EPM2A: variants seen among roughly 807,000 people sequenced by gnomAD.
EPM2A encodes the protein EPM2A glucan phosphatase, laforin, also known as laforin.
EPM2A carries 21 observed loss-of-function variants against 26.5 expected under a neutral mutation model. That is an observed-to-expected ratio of 0.79 (90% CI 0.56 to 1.14). EPM2A has a LOEUF of 1.14. EPM2A is among the 50% of genes most tolerant of loss of function. EPM2A has a pLI of 0.00. For synonymous variants in EPM2A, 217 were observed against 177.6 expected, an observed-to-expected ratio of 1.22 and a Z score of -1.76; for missense variants, 458 against 440.8, an observed-to-expected ratio of 1.04 and a Z score of -0.35.
intron 2 of EPM2A, among the ~76,000 whole-genome samples, chr6:145,665,455 C>T (rs1410016363): frequency 3.6e-5 from 4 of 110,710 alleles, no homozygotes; most frequent in Non-Finnish European, 5.4e-5. Context: ...TCTCCCAAGA[C>T]TAAACCAGGA....
At chr6:145,648,499 G>A (rs1777648570) in intron 2 of EPM2A, among the ~76,000 whole-genome samples, 1 of 152,104 alleles carries the variant, frequency 6.6e-6, no homozygotes. Flanking sequence ...TCCATTTCAT[G>A]CCACGTAGTA....
At chr6:145,585,622 A>C (rs1247605699) in intron 2 of EPM2A, among the ~76,000 whole-genome samples, 1 of 152,040 alleles carries the variant, frequency 6.6e-6, no homozygotes, top group Admixed American at 6.6e-5. Flanking sequence ...AACATTATGA[A>C]GTCTTATTTA....
chr6:145,403,735 C>T (rs769565105), intron 4 of EPM2A, among the ~76,000 whole-genome samples: 15 of 152,094 alleles, frequency 9.9e-5, no homozygotes, highest in Admixed American at 3.3e-4. Context: ...AGGAGTGCAG[C>T]TAGCTCTTTA....
intron 1 of EPM2A, among the ~76,000 whole-genome samples, chr6:145,706,152 T>C (rs578023535): frequency 6.6e-6 from 1 of 152,298 alleles, no homozygotes; most frequent in East Asian, 1.9e-4. Context: ...GACATAGTAC[T>C]TTATCAGTGT....
At chr6:145,503,583 G>A (rs1779926331) in intron 2 of EPM2A, among the ~76,000 whole-genome samples, 2 of 88,108 alleles carry the variant, frequency 2.3e-5, no homozygotes, top group East Asian at 3.0e-4. Context: ...ACTGCTCAAG[G>A]AAATAAAAGA....
intron 2 of EPM2A, among the ~76,000 whole-genome samples, chr6:145,584,174 A>AG (rs1161990618): frequency 6.6e-6 from 1 of 152,164 alleles, no homozygotes; most frequent in African/African-American, 2.4e-5. Flanking sequence ...GCAAAGTGTC[A>AG]GGGGGAGGTT....
intron 2 of EPM2A, among the ~76,000 whole-genome samples, chr6:145,522,434 C>T (rs939686491): frequency 6.6e-6 from 1 of 152,028 alleles, no homozygotes; most frequent in East Asian, 1.9e-4. Flanking sequence ...CATCATTCAT[C>T]CAATCCACTT....
intron 3 of EPM2A, chr6:145,629,173 G>C (rs1776058516): frequency 6.6e-6 from 1 of 152,446 alleles, no homozygotes; most frequent in Non-Finnish European, 1.5e-5. Flanking sequence ...CCTTCCGGCA[G>C]GGAGGACACG....
chr6:145,697,516 C>T (rs111378954), intron 1 of EPM2A, among the ~76,000 whole-genome samples: 15 of 152,106 alleles, frequency 9.9e-5, no homozygotes, highest in East Asian at 1.9e-4. Flanking sequence ...ATTTATTAGG[C>T]GGGAATTTCC....
At chr6:145,444,417 G>A (rs926869835) in intron 4 of EPM2A, among the ~76,000 whole-genome samples, 4 of 152,126 alleles carry the variant, frequency 2.6e-5, no homozygotes, top group African/African-American at 9.7e-5. Flanking sequence ...TGCATAGGTC[G>A]AACCAACCTT....
In EPM2A at chr6:145,443,510, T is replaced by C. The variant is rs150755543; in HGVS notation, c.555+59012A>G. On this transcript the variant is annotated intron_variant, in intron 4 of 4. Coordinates refer to the EPM2A transcript ENST00000638717. The stretch of plus-strand genomic sequence containing the variant: ...TGTGGCAATTGTGAATAGGATTGTG[T>C]TCTTGATTTGGCTCTCAGCTTGGGT... Among the ~76,000 whole-genome samples, 1,241 of 152,312 alleles carry C rather than the reference T, an allele frequency of 8.1e-3. 19 individuals are homozygous for C. The highest frequency in any genetic ancestry group is 0.028 in the African/African-American group (1,181 of 41,546).
chr6:145,577,340 A>C (rs1582869320), intron 2 of EPM2A, among the ~76,000 whole-genome samples: 1 of 49,678 alleles, frequency 2.0e-5, no homozygotes, highest in Admixed American at 1.4e-4. Context: ...GAAGGAATGG[A>C]AAAAAAAAAC....
At chr6:145,401,559 A>G (rs1778491268) in intron 4 of EPM2A, among the ~76,000 whole-genome samples, 1 of 152,172 alleles carries the variant, frequency 6.6e-6, no homozygotes, top group East Asian at 1.9e-4. Context: ...CTGTGAACTA[A>G]TATGAGGCTT....
intron 4 of EPM2A, among the ~76,000 whole-genome samples, chr6:145,406,714 C>T (rs149673986): frequency 2.6e-4 from 39 of 152,238 alleles, no homozygotes; most frequent in African/African-American, 8.7e-4. Flanking sequence ...TTATTTTTGA[C>T]TGGTGTTACC....
intron 4 of EPM2A, among the ~76,000 whole-genome samples, chr6:145,456,971 T>A (rs1428359110): frequency 6.6e-6 from 1 of 152,202 alleles, no homozygotes; most frequent in Non-Finnish European, 1.5e-5. Context: ...ATATTAAAAA[T>A]TCAAATAGAC....
chr6:145,449,715 G>A lies in EPM2A; in HGVS notation c.555+52807C>T, dbSNP rs536437492. On this transcript the variant is annotated intron_variant, in intron 4 of 4. Coordinates refer to the EPM2A transcript ENST00000638717. Reference sequence around the variant, plus strand: ...CTTTTCTATAGCTACTTATTTAATAGTATTTTTCTAAATTTCAGATTTTCA... The same window carrying A: ...CTTTTCTATAGCTACTTATTTAATAATATTTTTCTAAATTTCAGATTTTCA... Among the ~76,000 whole-genome samples the A allele has an allele frequency of 9.9e-5, 15 of 152,138 alleles. No individual in the cohort carries two copies. The East Asian group carries it at 2.5e-3, about 26-fold the overall frequency.
chr6:145,395,574 T>C (rs956112379), intron 4 of EPM2A, among the ~76,000 whole-genome samples: 11 of 152,282 alleles, frequency 7.2e-5, no homozygotes, highest in Non-Finnish European at 1.5e-4. Flanking sequence ...GAGGCCCTTC[T>C]CACCCTGCAC....
intron 4 of EPM2A, among the ~76,000 whole-genome samples, chr6:145,422,732 A>T (rs1211042740): frequency 6.6e-6 from 1 of 152,124 alleles, no homozygotes; most frequent in Non-Finnish European, 1.5e-5. Context: ...GCAGTACAAT[A>T]AAACAGAATT....
intron 4 of EPM2A, among the ~76,000 whole-genome samples, chr6:145,412,574 A>T (rs1385415985): frequency 6.6e-6 from 1 of 152,286 alleles, no homozygotes; most frequent in Middle Eastern, 3.4e-3. Context: ...TCTGGCCAAA[A>T]ATCAATTATA....
Sources: gnomAD v4.1 joint callset for allele counts (sites outside exome capture counted in the v4.1 genomes callset) on GRCh38, gnomAD v4.1.1 for gene constraint, MANE v1.5 for transcripts, NCBI Gene and HGNC (gene_info 2026-07-23, HGNC 2026-07-21) for gene names.